Variants in RBFOX1 observed in about 807,000 individuals in gnomAD.
The protein encoded by RBFOX1 is RNA binding protein fox-1 homolog 1.
In RBFOX1, 8 loss-of-function variants were observed where a neutral mutation model predicts 57.7. The ratio of observed to expected loss-of-function variants is 0.14; its 90% CI spans 0.08 to 0.25. RBFOX1 has a LOEUF of 0.25. RBFOX1 is among the 10% of genes least tolerant of loss of function. The pLI, the probability that RBFOX1 is intolerant of heterozygous loss-of-function variation, is 1.00. For missense variants in RBFOX1, 611 were observed against 548.5 expected, an observed-to-expected ratio of 1.11 and a Z score of -1.14; for synonymous variants, 326 against 222.4, an observed-to-expected ratio of 1.47 and a Z score of -4.15.
chr16:7,250,894 T>C (rs563155489), intron 4 of RBFOX1, among the ~76,000 whole-genome samples: 2 of 152,338 alleles, frequency 1.3e-5, no homozygotes, highest in African/African-American at 4.8e-5. Flanking sequence ...ACTTTTTGAA[T>C]TGACAAAGAT....
intron 14 of RBFOX1, among the ~76,000 whole-genome samples, chr16:7,682,035 C>T (rs1028813252): frequency 1.3e-5 from 2 of 152,126 alleles, no homozygotes; most frequent in Non-Finnish European, 2.9e-5. Flanking sequence ...TTTATCAAAA[C>T]GGAAGAACAC....
At chr16:6,655,573 C>G (rs764089010) in intron 3 of RBFOX1, among the ~76,000 whole-genome samples, 1 of 151,972 alleles carries the variant, frequency 6.6e-6, no homozygotes, top group African/African-American at 2.4e-5. Flanking sequence ...GGAAAAGCAA[C>G]CGTTAGACAA....
chr16:7,186,589 A>G (rs1284254473), intron 4 of RBFOX1, among the ~76,000 whole-genome samples: 2 of 140,270 alleles, frequency 1.4e-5, no homozygotes, highest in Non-Finnish European at 3.0e-5. Flanking sequence ...TATAAGCTTA[A>G]ACATATTTAT....
chr16:7,592,541 C>T (rs1409279389), intron 7 of RBFOX1, among the ~76,000 whole-genome samples: 1 of 152,180 alleles, frequency 6.6e-6, no homozygotes, highest in Non-Finnish European at 1.5e-5. Context: ...AATGATACCA[C>T]CTGGCCCTCC....
chr16:5,533,504 G>A (rs1437489166), intron 2 of RBFOX1, among the ~76,000 whole-genome samples: 1 of 152,160 alleles, frequency 6.6e-6, no homozygotes, highest in Non-Finnish European at 1.5e-5. Flanking sequence ...GTGCTTGTGT[G>A]TATTACAGAG....
chr16:7,694,794 G>A (rs1008445124), intron 14 of RBFOX1, among the ~76,000 whole-genome samples: 6 of 152,126 alleles, frequency 3.9e-5, no homozygotes, highest in African/African-American at 1.4e-4. Context: ...AACAAAAGGG[G>A]AGACCGCTTG....
chr16:5,725,044 C>G (rs1403062853), intron 3 of RBFOX1, among the ~76,000 whole-genome samples: 1 of 152,040 alleles, frequency 6.6e-6, no homozygotes, highest in Non-Finnish European at 1.5e-5. Flanking sequence ...CAACCCTTTC[C>G]CTTGGGAGAT....
rs190043660 is a variant in RBFOX1 at position 5,330,476 on chromosome 16, C to T, written c.219+90371C>T. 2.8e-3 allele frequency among the ~76,000 whole-genome samples: 427 copies of T among 152,238 alleles called. 5 individuals are homozygous for T. Among genetic ancestry groups the T allele is most frequent in the Admixed American group, 0.025 (390 of 15,296 alleles). ...GGAGTGCAATGGCATGACCTCGGCTCACTGCATCCTCCGCCTCCCAGGTTC... is the reference window on the plus strand; with the variant it reads ...GGAGTGCAATGGCATGACCTCGGCTTACTGCATCCTCCGCCTCCCAGGTTC... On this transcript the variant is annotated intron_variant, in intron 1 of 2. Transcript: ENST00000585867.
At chr16:6,453,070 C>T (rs903792612) in intron 2 of RBFOX1, among the ~76,000 whole-genome samples, 3 of 152,124 alleles carry the variant, frequency 2.0e-5, no homozygotes, top group Non-Finnish European at 4.4e-5. Context: ...TGTACAACTA[C>T]TCTAAAGTGG....
chr16:5,837,015 G>T (rs1015198326), intron 3 of RBFOX1, among the ~76,000 whole-genome samples: 1 of 152,130 alleles, frequency 6.6e-6, no homozygotes, highest in Non-Finnish European at 1.5e-5. Context: ...GAGCCCTTGC[G>T]TGGTCCCTGG....
chr16:5,421,831 T>G (rs1272884440), intron 1 of RBFOX1, among the ~76,000 whole-genome samples: 1 of 152,106 alleles, frequency 6.6e-6, no homozygotes, highest in African/African-American at 2.4e-5. Context: ...GAGGCCGTTG[T>G]TGGGTGAGCA....
chr16:6,536,473 C>T (rs777223110), intron 2 of RBFOX1, among the ~76,000 whole-genome samples: 13 of 152,114 alleles, frequency 8.5e-5, no homozygotes, highest in East Asian at 1.9e-4. Flanking sequence ...TCATAAATTC[C>T]GTATCATCAG....
intron 3 of RBFOX1, among the ~76,000 whole-genome samples, chr16:6,944,197 T>G (rs1474754450): frequency 1.3e-5 from 2 of 151,578 alleles, no homozygotes; most frequent in East Asian, 1.9e-4. Context: ...GAGTTCAAGA[T>G]CAGCCTGCCC....
chr16:7,252,276 C>T (rs542760405), intron 4 of RBFOX1, among the ~76,000 whole-genome samples: 2 of 152,174 alleles, frequency 1.3e-5, no homozygotes, highest in Non-Finnish European at 1.5e-5. Flanking sequence ...AAATTTTAAG[C>T]TTTTCCTCCA....
chr16:7,194,861 G>C (rs976123928), intron 4 of RBFOX1, among the ~76,000 whole-genome samples: 5 of 150,148 alleles, frequency 3.3e-5, no homozygotes, highest in African/African-American at 1.2e-4. Flanking sequence ...CTGGGAGGCA[G>C]AGGTTGCTGT....
intron 4 of RBFOX1, among the ~76,000 whole-genome samples, chr16:7,089,732 T>C (rs1309834186): frequency 6.6e-6 from 1 of 152,212 alleles, no homozygotes; most frequent in Non-Finnish European, 1.5e-5. Flanking sequence ...TGTTTCCTAG[T>C]AATTAATCTT....
At chr16:7,431,982 C>T (rs2098685597) in intron 4 of RBFOX1, among the ~76,000 whole-genome samples, 1 of 152,240 alleles carries the variant, frequency 6.6e-6, no homozygotes, top group Non-Finnish European at 1.5e-5. Context: ...GCATTCCCAC[C>T]AGTGGGCAGC....
At chr16:6,999,186 TTTA>T in intron 3 of RBFOX1, among the ~76,000 whole-genome samples, 2 of 96,786 alleles carry the variant, frequency 2.1e-5, no homozygotes, top group African/African-American at 6.6e-5. Flanking sequence ...TTTATTTTAT[TTTA>T]TTTTATTTTA....
At chr16:5,360,690 C>T (rs775093386) in intron 1 of RBFOX1, among the ~76,000 whole-genome samples, 10 of 152,156 alleles carry the variant, frequency 6.6e-5, no homozygotes, top group Non-Finnish European at 8.8e-5. Context: ...ATTGTAAGGA[C>T]GTAGGGAAAC....
Sources: allele counts gnomAD v4.1 joint callset (sites outside exome capture counted in the v4.1 genomes callset), GRCh38; gene constraint gnomAD v4.1.1; transcripts MANE v1.5; gene names NCBI Gene and HGNC (gene_info 2026-07-23, HGNC 2026-07-21).